The following RAPGEF2 variants were observed in gnomAD, a reference collection of about 807,000 sequenced individuals.
RAPGEF2 encodes Rap guanine nucleotide exchange factor 2.
Under a neutral mutation model 186.7 loss-of-function variants are expected in RAPGEF2, and 54 were observed. The ratio of observed to expected loss-of-function variants is 0.29; its 90% CI spans 0.23 to 0.36. RAPGEF2 has a LOEUF of 0.36. Among genes scored for constraint, RAPGEF2 ranks in the 10% least tolerant of loss-of-function variants. The pLI, the probability that RAPGEF2 is intolerant of heterozygous loss-of-function variation, is 1.00. For synonymous variants in RAPGEF2, 712 were observed against 705.9 expected (o/e 1.01, Z -0.14); for missense variants, 1,532 against 2,045.0 (o/e 0.75, Z 4.84).
At chr4:159,189,680 G>A (rs556440815) in intron 2 of RAPGEF2, among the ~76,000 whole-genome samples, 1 of 152,312 alleles carries the variant, frequency 6.6e-6, no homozygotes, top group South Asian at 2.1e-4. Context: ...TAGGAACTCA[G>A]GGAAGGTCAA....
At chr4:159,144,523 C>G (rs553160613) in intron 1 of RAPGEF2, among the ~76,000 whole-genome samples, 1 of 152,176 alleles carries the variant, frequency 6.6e-6, no homozygotes. Context: ...TATCCTTCAT[C>G]TGTTTCAGTT....
At chr4:159,222,784 CAA>C (rs1467283228) in intron 4 of RAPGEF2, among the ~76,000 whole-genome samples, 4 of 151,968 alleles carry the variant, frequency 2.6e-5, no homozygotes, top group Non-Finnish European at 5.9e-5. Context: ...CAGAAAATAA[CAA>C]GAGTAAGAAT....
intron 7 of RAPGEF2, among the ~76,000 whole-genome samples, chr4:159,251,948 A>G (rs947621309): frequency 1.3e-4 from 20 of 152,136 alleles, no homozygotes; most frequent in African/African-American, 4.8e-4. Flanking sequence ...GGTAACACTC[A>G]CCGCGGAGGT....
chr4:159,139,704 GGTTT>G (rs1742106030), intron 1 of RAPGEF2, among the ~76,000 whole-genome samples: 1 of 152,096 alleles, frequency 6.6e-6, no homozygotes, highest in Non-Finnish European at 1.5e-5. Context: ...TGTTAAATGT[GGTTT>G]GTTAAGAGAT....
chr4:159,247,012 T>TTAC (rs1386400516), intron 7 of RAPGEF2, among the ~76,000 whole-genome samples: 1 of 152,188 alleles, frequency 6.6e-6, no homozygotes, highest in Non-Finnish European at 1.5e-5. Flanking sequence ...AATTTCTTAG[T>TTAC]TATCTTAACA....
chr4:159,198,187 C>G (rs1748880811), intron 3 of RAPGEF2, among the ~76,000 whole-genome samples: 1 of 151,578 alleles, frequency 6.6e-6, no homozygotes, highest in Non-Finnish European at 1.5e-5. Context: ...AGCCCCCCAC[C>G]CCTACCCCAG....
chr4:159,358,822 G>A lies in RAPGEF2; in HGVS notation c.*683G>A, dbSNP rs1297925601. ...GGACAGGGTGTGGCCACACCAAGAA[G>A]ACGGGAAGACCTGGCTTGTGACCCT... On this transcript the variant is annotated 3_prime_UTR_variant, in exon 30 of 30. Coordinates refer to ENST00000691494, the MANE Select transcript of RAPGEF2 (RefSeq NM_001394067.2). 6.6e-6 allele frequency: 1 copy of A among 152,218 alleles called. No individual in the cohort carries two copies. Among genetic ancestry groups the A allele is most frequent in the Non-Finnish European group, 1.5e-5 (1 of 68,040 alleles). The allele number at this position is 152,218 out of a possible 1,614,324, so 9.4% of individuals were successfully genotyped here.
intron 1 of RAPGEF2, among the ~76,000 whole-genome samples, chr4:159,137,045 G>T (rs568518345): frequency 6.6e-6 from 1 of 152,150 alleles, no homozygotes; most frequent in East Asian, 1.9e-4. Flanking sequence ...CAGAAAAGGT[G>T]GGGGGGTTGG....
chr4:159,137,801 T>A (rs1741888184), intron 1 of RAPGEF2, among the ~76,000 whole-genome samples: 1 of 150,294 alleles, frequency 6.7e-6, no homozygotes, highest in Non-Finnish European at 1.5e-5. Context: ...GTTTTAAAAA[T>A]TAAAAATACA....
At chr4:159,268,749 T>C (rs147910036) in intron 7 of RAPGEF2, among the ~76,000 whole-genome samples, 8 of 152,222 alleles carry the variant, frequency 5.3e-5, no homozygotes, top group Non-Finnish European at 7.4e-5. Context: ...AATTATTGCT[T>C]CTTTATAATT....
At chr4:159,256,950 A>G (rs1053435947) in intron 7 of RAPGEF2, among the ~76,000 whole-genome samples, 8 of 152,088 alleles carry the variant, frequency 5.3e-5, no homozygotes, top group African/African-American at 1.9e-4. Flanking sequence ...GACCTTTGTC[A>G]GGTGGATAGA....
At chr4:159,313,653 TTAA>T (rs1420690482) in intron 8 of RAPGEF2, among the ~76,000 whole-genome samples, 2 of 152,136 alleles carry the variant, frequency 1.3e-5, no homozygotes, top group Non-Finnish European at 2.9e-5. Context: ...TTCTACAAAA[TTAA>T]TAATTGTATA....
chr4:159,218,255 G>A (rs1751170562), intron 4 of RAPGEF2, among the ~76,000 whole-genome samples: 1 of 152,156 alleles, frequency 6.6e-6, no homozygotes. Context: ...GATTAAGCAT[G>A]GTAGGAGGGT....
At position 159,353,347 on chromosome 4, in the gene RAPGEF2, C is replaced by T; in HGVS notation, c.4092-140C>T. ...CATGGCAGAACTGGCCAATATAAGG[C>T]AATTCAGTGCTACTTTTATCCTGTT... On this transcript the variant is annotated intron_variant, in intron 27 of 29. Transcript: ENST00000691494. The surrounding 1 kb of genome is among the most constrained non-coding windows in gnomAD (Gnocchi z 4.3). The T allele has an allele frequency of 5.0e-6, 3 of 598,270 alleles. No individual in the cohort carries two copies. Among genetic ancestry groups the T allele is most frequent in the Non-Finnish European group, 7.9e-6 (3 of 381,894 alleles). The allele number at this position is 598,270 out of a possible 1,614,324, so 37.1% of individuals were successfully genotyped here. A position where few individuals can be genotyped will look rare whatever the true frequency, so the allele number is the denominator to read the frequency against.
At chr4:159,269,425 G>C (rs1024613247) in intron 7 of RAPGEF2, among the ~76,000 whole-genome samples, 2 of 151,836 alleles carry the variant, frequency 1.3e-5, no homozygotes, top group East Asian at 3.9e-4. Context: ...CTTTGGATCA[G>C]ATCCAGAAAA....
chr4:159,242,041 A>G (rs1028018834), intron 6 of RAPGEF2, among the ~76,000 whole-genome samples: 12 of 152,090 alleles, frequency 7.9e-5, no homozygotes, highest in African/African-American at 2.4e-4. Context: ...GTTCATTGTC[A>G]TTTATTTCAT....
intron 1 of RAPGEF2, among the ~76,000 whole-genome samples, chr4:159,166,021 A>G (rs1269730849): frequency 6.6e-6 from 1 of 152,194 alleles, no homozygotes; most frequent in African/African-American, 2.4e-5. Context: ...TTAGTGCTCC[A>G]AAGATGTAAG....
At chr4:159,126,123 C>T (rs1368807016) in intron 1 of RAPGEF2, among the ~76,000 whole-genome samples, 1 of 152,042 alleles carries the variant, frequency 6.6e-6, no homozygotes, top group African/African-American at 2.4e-5. Flanking sequence ...ATTGATTATC[C>T]TCAATTTTTA....
rs115468524 is a variant in RAPGEF2 at position 159,340,011 on chromosome 4, A to G, written c.2534+657A>G. Among the ~76,000 whole-genome samples, 904 of 152,326 alleles carry G rather than the reference A, an allele frequency of 5.9e-3. 11 individuals carry two copies. Among genetic ancestry groups the G allele is most frequent in the African/African-American group, 0.02 (851 of 41,574 alleles). ...TATCATTCTCTTCAATGATATTTTC[A>G]CTGTTAGGTATATGTAACTTTATCT... On this transcript the variant is annotated intron_variant, in intron 19 of 29. Transcript: ENST00000691494.
Sources: allele counts gnomAD v4.1 joint callset (sites outside exome capture counted in the v4.1 genomes callset), GRCh38; gene constraint gnomAD v4.1.1; non-coding constraint Gnocchi (gnomAD v3.1); transcripts MANE v1.5; gene names NCBI Gene and HGNC (gene_info 2026-07-23, HGNC 2026-07-21).